C16orf96: variants seen among roughly 807,000 people sequenced by gnomAD.
C16orf96 encodes uncharacterized protein C16orf96.
A neutral mutation model predicts 103.6 loss-of-function variants in C16orf96; 108 were observed. The observed-to-expected ratio is 1.04, with a 90% CI of 0.89 to 1.22. The LOEUF (loss-of-function observed/expected upper bound fraction) is 1.22, where lower values mean the gene tolerates loss of function less well. C16orf96 is among the 50% of genes most tolerant of loss of function. The probability of loss-of-function intolerance (pLI) is 0.00; values close to 1 mark genes in which losing one functional copy is unlikely to be tolerated. For synonymous variants in C16orf96, 566 were observed against 593.5 expected (o/e 0.95, Z 0.67); for missense variants, 1,586 against 1,464.2 (o/e 1.08, Z -1.36).
intron 6 of C16orf96, among the ~76,000 whole-genome samples, chr16:4,579,566 A>G (rs2059557298): frequency 6.7e-6 from 1 of 149,086 alleles, no homozygotes; most frequent in African/African-American, 2.5e-5. Context: ...AAAAAAAAAA[A>G]AAAAAAAAAA....
At chr16:4,548,872 C>A in the C16orf96 span, among the ~76,000 whole-genome samples, 3 of 40,234 alleles carry the variant, frequency 7.5e-5, no homozygotes, top group African/African-American at 1.9e-4. Context: ...CAAAGTGAGA[C>A]TCTCAAAAAA....
intron 10 of C16orf96, among the ~76,000 whole-genome samples, 177 bp downstream of exon 10, chr16:4,591,961 C>T (rs928643001): frequency 2.0e-5 from 3 of 152,200 alleles, no homozygotes; most frequent in African/African-American, 7.2e-5. Flanking sequence ...CAGAGGTGAT[C>T]CAGCCCTATT....
At chr16:4,563,038 AGAAGATGACAGAGC>A in intron 1 of C16orf96, 2 of 906,516 alleles carry the variant, frequency 2.2e-6, no homozygotes, top group African/African-American at 3.3e-5. Flanking sequence ...CTCCTCTGTC[AGAAGATGACAGAGC>A]TCTCCAAGTT....
rs370103847 is a variant in C16orf96, at chr16:4,589,939, C to T, written c.2592+1608C>T. Among the ~76,000 whole-genome samples, 1,253 of 151,596 alleles carry T rather than the reference C, an allele frequency of 8.3e-3. 17 individuals are homozygous for T. Among genetic ancestry groups the T allele is most frequent in the African/African-American group, 0.028 (1,150 of 41,272 alleles). On this transcript the variant is annotated intron_variant, in intron 9 of 15. Transcript: ENST00000444310. ...AAGATTGAGACCATCCTGACCAACA[C>T]GGTGAAACCCCATCTCTACTAAAAA...
rs535793929 is a variant in C16orf96 at position 4,567,980 on chromosome 16, G to A, written c.421-3581G>A. Among the ~76,000 whole-genome samples the A allele has an allele frequency of 3.3e-5, 5 of 152,262 alleles. No homozygotes were observed. The South Asian group carries it at 1.0e-3, about 32-fold the overall frequency. On this transcript the variant is annotated intron_variant, in intron 1 of 15. Transcript: ENST00000444310. ...CAAAGTGCTGGGATTACAGATGTGA[G>A]CCACCACGTCCGGCCTGTTTTTGTT...
In C16orf96 at chr16:4,578,928, C is replaced by A. The variant is rs2059547272; in HGVS notation, c.2156-12C>A. ...CCGAGCCCTCAGCAGCCACCCTGTC[C>A]TCTGCTTTCAGCCAATATGGGAGGT... On this transcript the variant is annotated splice_polypyrimidine_tract_variant and intron_variant, in intron 5 of 15. Transcript: ENST00000444310. 3.2e-6 allele frequency: 5 copies of A among 1,550,296 alleles called. No homozygotes were observed. Among genetic ancestry groups the A allele is most frequent in the Non-Finnish European group, 4.4e-6 (5 of 1,145,932 alleles).
the C16orf96 span, among the ~76,000 whole-genome samples, chr16:4,549,121 G>C: frequency 6.6e-6 from 1 of 152,068 alleles, no homozygotes; most frequent in African/African-American, 2.4e-5. Context: ...GTGCATATGA[G>C]TGTTAAGGTT....
chr16:4,589,917 A>T lies in C16orf96; in HGVS notation c.2592+1586A>T, dbSNP rs182772615. Among the ~76,000 whole-genome samples the T allele has an allele frequency of 2.0e-5, 3 of 150,562 alleles. No homozygotes were observed. In the East Asian group the frequency reaches 5.9e-4, roughly 30 times the overall value. ...GGCGGGCAGATCACGAGGTCAGAAG[A>T]TTGAGACCATCCTGACCAACACGGT... On this transcript the variant is annotated intron_variant, in intron 9 of 15. Coordinates refer to ENST00000444310, the MANE Select transcript of C16orf96 (RefSeq NM_001145011.2).
chr16:4,547,132 C>T, the C16orf96 span, among the ~76,000 whole-genome samples: 2 of 152,054 alleles, frequency 1.3e-5, no homozygotes, highest in Non-Finnish European at 2.9e-5. Context: ...CACAGAAGAC[C>T]ACTTATTGTT....
At chr16:4,580,343 G>A (rs2141732143) in intron 7 of C16orf96, among the ~76,000 whole-genome samples, 1 of 124,848 alleles carries the variant, frequency 8.0e-6, no homozygotes, top group Non-Finnish European at 1.6e-5. Context: ...GAAGGGCCGG[G>A]ACAATGTTCG....
intron 9 of C16orf96, among the ~76,000 whole-genome samples, chr16:4,591,058 G>A (rs1485200883): frequency 7.0e-6 from 1 of 142,696 alleles, no homozygotes; most frequent in Admixed American, 7.0e-5. Flanking sequence ...GTGGTAACAC[G>A]CACCTGTAGT....
upstream of C16orf96, among the ~76,000 whole-genome samples, chr16:4,555,936 C>G (rs539176973): frequency 2.0e-4 from 31 of 151,506 alleles, no homozygotes; most frequent in Admixed American, 2.0e-3. Flanking sequence ...TGGCTTCAAG[C>G]AGTCCTCCCG....
chr16:4,586,480 C>A (rs1896931458), intron 7 of C16orf96, among the ~76,000 whole-genome samples: 1 of 152,178 alleles, frequency 6.6e-6, no homozygotes, highest in South Asian at 2.1e-4. Context: ...ATGGCCCGAC[C>A]CTCTGGGGAA....
chr16:4,554,347 TTTTC>T (rs1263377026), upstream of C16orf96, among the ~76,000 whole-genome samples: 1 of 151,668 alleles, frequency 6.6e-6, no homozygotes, highest in East Asian at 1.9e-4. Context: ...CTTTTTTTCT[TTTTC>T]TTTTTCTTTT....
In C16orf96 at chr16:4,600,401, T is replaced by G. The variant is rs1447614736; in HGVS notation, c.*84T>G. 6 of 917,220 alleles carry G rather than the reference T, an allele frequency of 6.5e-6. No individual in the cohort carries two copies. In the African/African-American group the frequency reaches 1.0e-4, roughly 16 times the overall value. The allele number at this position is 917,220 out of a possible 1,614,324, so 56.8% of individuals were successfully genotyped here. On this transcript the variant is annotated 3_prime_UTR_variant, in exon 16 of 16. Coordinates refer to ENST00000444310, the MANE Select transcript of C16orf96 (RefSeq NM_001145011.2). ...ATGTGGCCCTCCCACTCCCACCAAG[T>G]CCCCTCCACATCGGAGGCTGAGGCC...
chr16:4,557,380 C>T (rs2141687733), intron 1 of C16orf96, among the ~76,000 whole-genome samples: 1 of 152,232 alleles, frequency 6.6e-6, no homozygotes, highest in African/African-American at 2.4e-5. Flanking sequence ...AAGCTTGCAG[C>T]CTCCATCAAG....
the C16orf96 span, among the ~76,000 whole-genome samples, chr16:4,550,175 C>G: frequency 0.17 from 25,245 of 150,964 alleles, 2,259 homozygotes; most frequent in Middle Eastern, 0.29. Flanking sequence ...ACCTCTGCCT[C>G]TCGGGCTCAA....
chr16:4,598,022 C>G (rs1289263384), intron 14 of C16orf96, among the ~76,000 whole-genome samples: 1 of 152,102 alleles, frequency 6.6e-6, no homozygotes, highest in African/African-American at 2.4e-5. Context: ...TTGCTGTTGT[C>G]ACTCATTTAT....
chr16:4,560,378 T>C (rs2059315702), intron 1 of C16orf96: 1 of 152,064 alleles, frequency 6.6e-6, no homozygotes, highest in Non-Finnish European at 1.5e-5. Flanking sequence ...ATTTTTGTAT[T>C]TTTAGTAGAG....
Sources: gnomAD v4.1 joint callset for allele counts (sites outside exome capture counted in the v4.1 genomes callset) on GRCh38, gnomAD v4.1.1 for gene constraint, MANE v1.5 for transcripts, NCBI Gene and HGNC (gene_info 2026-07-23, HGNC 2026-07-21) for gene names.